Variants in ADAMTS3 observed in about 807,000 individuals in gnomAD.
ADAMTS3 encodes ADAM metallopeptidase with thrombospondin type 1 motif 3.
ADAMTS3 carries 73 observed loss-of-function variants against 129.0 expected under a neutral mutation model. The ratio of observed to expected loss-of-function variants is 0.57; its 90% CI spans 0.47 to 0.69. The LOEUF (loss-of-function observed/expected upper bound fraction) is 0.69. Ranked by LOEUF, ADAMTS3 falls within the 30% of genes least tolerant of loss-of-function variation. The probability of loss-of-function intolerance (pLI) is 0.00; values close to 1 mark genes in which losing one functional copy is unlikely to be tolerated. For synonymous variants in ADAMTS3, 477 were observed against 510.8 expected (o/e 0.93, Z 0.89); for missense variants, 1,457 against 1,514.5 (o/e 0.96, Z 0.63).
intron 3 of ADAMTS3, among the ~76,000 whole-genome samples, chr4:72,461,074 T>C (rs74489817): frequency 5.3e-5 from 8 of 151,798 alleles, no homozygotes; most frequent in Non-Finnish European, 1.2e-4. Context: ...TAGCTAGCTA[T>C]AGGCATACAA....
chr4:72,287,931 T>A (rs1718553623), intron 21 of ADAMTS3, among the ~76,000 whole-genome samples: 1 of 152,206 alleles, frequency 6.6e-6, no homozygotes, highest in Admixed American at 6.5e-5. Flanking sequence ...AGTGGCGTGA[T>A]CTCAGCTCAC....
At chr4:72,294,726 T>C (rs186846027) in intron 19 of ADAMTS3, among the ~76,000 whole-genome samples, 14 of 152,122 alleles carry the variant, frequency 9.2e-5, no homozygotes, top group African/African-American at 3.4e-4. Context: ...AAACAGGTCA[T>C]TGAGAAAGAA....
intron 4 of ADAMTS3, among the ~76,000 whole-genome samples, chr4:72,405,976 G>A (rs1019536263): frequency 2.0e-5 from 3 of 152,024 alleles, no homozygotes; most frequent in Non-Finnish European, 2.9e-5. Context: ...CTTTATGGGC[G>A]GCTAGGACAT....
Position 72,309,516 on chromosome 4 carries a change from A to G in ADAMTS3, c.2060T>C (p.Val687Ala), listed in dbSNP as rs752874831. Residue 687 changes from valine to alanine, a missense_variant, in exon 15 of 22, where the codon GTG becomes GCG. Transcript: ENST00000286657. Reference sequence around the variant, plus strand: ...AGAACCAATTTCTTTATCACAGCCCACTTTCTGGAGAGAGAAGATGTCAAA... The same window carrying G: ...AGAACCAATTTCTTTATCACAGCCCGCTTTCTGGAGAGAGAAGATGTCAAA... The part of the protein sequence containing the change: ...SICVRGECVK[V>A]GCDKEIGSNK... 6.2e-7 allele frequency: 1 copy of G among 1,611,290 alleles called. No homozygotes were observed. Among genetic ancestry groups the G allele is most frequent in the Non-Finnish European group, 8.5e-7 (1 of 1,178,006 alleles).
intron 4 of ADAMTS3, among the ~76,000 whole-genome samples, chr4:72,343,270 T>C (rs1284785505): frequency 6.6e-6 from 1 of 152,132 alleles, no homozygotes; most frequent in Non-Finnish European, 1.5e-5. Flanking sequence ...AGCTGCCATG[T>C]TGGACATGCC....
chr4:72,486,208 C>T (rs1425598204), intron 3 of ADAMTS3, among the ~76,000 whole-genome samples: 1 of 152,140 alleles, frequency 6.6e-6, no homozygotes, highest in Non-Finnish European at 1.5e-5. Flanking sequence ...AAACTAAGAT[C>T]TACATAAATC....
intron 3 of ADAMTS3, among the ~76,000 whole-genome samples, chr4:72,481,068 G>A (rs1719422280): frequency 6.6e-6 from 1 of 151,842 alleles, no homozygotes; most frequent in Non-Finnish European, 1.5e-5. Flanking sequence ...CTAAATAAAG[G>A]GAAAGACATA....
At chr4:72,446,554 T>A (rs541255554) in intron 3 of ADAMTS3, among the ~76,000 whole-genome samples, 1 of 151,564 alleles carries the variant, frequency 6.6e-6, no homozygotes, top group South Asian at 2.1e-4. Flanking sequence ...CTATTTCACA[T>A]GGAAAACCAA....
intron 3 of ADAMTS3, among the ~76,000 whole-genome samples, chr4:72,488,452 T>G (rs1719647260): frequency 6.6e-6 from 1 of 152,052 alleles, no homozygotes; most frequent in African/African-American, 2.4e-5. Flanking sequence ...TGTGAAATAC[T>G]GGCATTTGTC....
chr4:72,385,454 C>T lies in ADAMTS3; in HGVS notation c.661+29361G>A, dbSNP rs138649165. Among the ~76,000 whole-genome samples the T allele has an allele frequency of 2.2e-3, 328 of 151,954 alleles. 2 individuals are homozygous for T. The highest frequency in any genetic ancestry group is 3.7e-3 in the Non-Finnish European group (252 of 67,968). ...ACGAAGAGCAGGTAGGACAAACAGACAGTAAACTGTGAAACATTAGACCTA... is the reference window on the plus strand; with the variant it reads ...ACGAAGAGCAGGTAGGACAAACAGATAGTAAACTGTGAAACATTAGACCTA... On this transcript the variant is annotated intron_variant, in intron 4 of 21. Coordinates refer to ENST00000286657, the MANE Select transcript of ADAMTS3 (RefSeq NM_014243.3).
At chr4:72,417,559 C>T (rs1280904887) in intron 3 of ADAMTS3, among the ~76,000 whole-genome samples, 1 of 152,132 alleles carries the variant, frequency 6.6e-6, no homozygotes, top group Non-Finnish European at 1.5e-5. Flanking sequence ...GATCAAGTGA[C>T]ATCCATTAAC....
intron 4 of ADAMTS3, among the ~76,000 whole-genome samples, chr4:72,380,954 T>C (rs371987218): frequency 2.0e-5 from 3 of 152,164 alleles, no homozygotes; most frequent in South Asian, 2.1e-4. Context: ...AGTAGGAACA[T>C]CTAATTAACT....
chr4:72,535,025 G>A (rs1721152174), intron 3 of ADAMTS3, among the ~76,000 whole-genome samples: 1 of 152,118 alleles, frequency 6.6e-6, no homozygotes, highest in South Asian at 2.1e-4. Context: ...CTGGAAGTGA[G>A]GTGCAGCTGA....
chr4:72,557,838 T>C (rs1391907330), intron 2 of ADAMTS3, among the ~76,000 whole-genome samples: 2 of 151,804 alleles, frequency 1.3e-5, no homozygotes, highest in Non-Finnish European at 2.9e-5. Context: ...AAATAATCAA[T>C]AACAAAATAA....
chr4:72,561,368 GA>G (rs1445809941), intron 2 of ADAMTS3, among the ~76,000 whole-genome samples: 1 of 151,866 alleles, frequency 6.6e-6, no homozygotes, highest in Non-Finnish European at 1.5e-5. Flanking sequence ...AAAGAAAAAG[GA>G]AATGGGGCCA....
At chr4:72,298,252 T>A (rs1203651135) in intron 18 of ADAMTS3, 25 bp downstream of exon 18, 1 of 1,589,792 alleles carries the variant, frequency 6.3e-7, no homozygotes, top group South Asian at 1.1e-5. Context: ...TACATTTTAA[T>A]ATAATAAATG....
intron 3 of ADAMTS3, among the ~76,000 whole-genome samples, chr4:72,523,610 T>C (rs1236250069): frequency 6.6e-6 from 1 of 152,108 alleles, no homozygotes; most frequent in East Asian, 1.9e-4. Context: ...AACTTTTCCA[T>C]AGTTTTTTAA....
In ADAMTS3 at chr4:72,319,473, A is replaced by G; in HGVS notation, c.1211T>C (p.Leu404Ser). 6.2e-7 allele frequency: 1 copy of G among 1,609,568 alleles called. No individual in the cohort carries two copies. Among genetic ancestry groups the G allele is most frequent in the South Asian group, 1.1e-5 (1 of 89,924 alleles). The change falls in exon 9 of 22, where the codon TTG becomes TCG. Residue 404 changes from leucine to serine, a missense_variant and splice_region_variant. Transcript: ENST00000286657. ...FVVAHETGHVLGMEHDGQGNR... is the reference protein window; with the variant it reads ...FVVAHETGHVSGMEHDGQGNR... ...GCCTTGTCCATCATGCTCCATTCCCAACCTAGAACACAAAGAGACCTCAGT... is the reference window on the plus strand; with the variant it reads ...GCCTTGTCCATCATGCTCCATTCCCGACCTAGAACACAAAGAGACCTCAGT...
At chr4:72,477,962 G>C (rs1022804902) in intron 3 of ADAMTS3, among the ~76,000 whole-genome samples, 1 of 151,934 alleles carries the variant, frequency 6.6e-6, no homozygotes, top group Non-Finnish European at 1.5e-5. Flanking sequence ...TAAATTCTTC[G>C]ACACATACAC....
Sources: allele counts gnomAD v4.1 joint callset (sites outside exome capture counted in the v4.1 genomes callset), GRCh38; gene constraint gnomAD v4.1.1; transcripts MANE v1.5; gene names NCBI Gene and HGNC (gene_info 2026-07-23, HGNC 2026-07-21).